Variants in CGNL1 observed in about 807,000 individuals in gnomAD.
CGNL1 encodes the protein cingulin-like protein 1.
A neutral mutation model predicts 141.2 loss-of-function variants in CGNL1; 132 were observed. The observed-to-expected ratio is 0.93, with a 90% CI of 0.81 to 1.08. CGNL1 has a LOEUF of 1.08. Among genes scored for constraint, CGNL1 ranks in the 50% least tolerant of loss-of-function variants. The pLI is 0.00. For synonymous variants in CGNL1, 690 were observed against 622.1 expected (o/e 1.11, Z -1.63); for missense variants, 1,870 against 1,588.6 (o/e 1.18, Z -3.01).
Position 57,523,470 on chromosome 15 carries a change from C to T in CGNL1, c.2716-19C>T, listed in dbSNP as rs781673124. ...CTGGTTAGTAGGTGACAGCACTGTC[C>T]TTTCCCTGCCATTTGCAGGGAAATC... On this transcript the variant is annotated intron_variant, in intron 10 of 18. Coordinates refer to ENST00000281282, the MANE Select transcript of CGNL1 (RefSeq NM_032866.5). The T allele has an allele frequency of 1.2e-6, 2 of 1,613,564 alleles. No homozygotes were observed. Among genetic ancestry groups the T allele is most frequent in the Non-Finnish European group, 1.7e-6 (2 of 1,179,758 alleles).
At chr15:57,428,062 A>G (rs999146506) in intron 1 of CGNL1, among the ~76,000 whole-genome samples, 5 of 152,042 alleles carry the variant, frequency 3.3e-5, no homozygotes, top group Non-Finnish European at 7.3e-5. Context: ...TCATTCATTT[A>G]TGTGTGAAAC....
chr15:57,387,829 C>T (rs2062500485), intron 1 of CGNL1, among the ~76,000 whole-genome samples: 2 of 152,206 alleles, frequency 1.3e-5, no homozygotes, highest in Non-Finnish European at 2.9e-5. Flanking sequence ...TAATAATATC[C>T]TTTGCTTTAG....
intron 1 of CGNL1, among the ~76,000 whole-genome samples, chr15:57,399,956 T>C (rs1398735323): frequency 6.6e-6 from 1 of 152,060 alleles, no homozygotes; most frequent in Non-Finnish European, 1.5e-5. Flanking sequence ...GTCTCCTTGT[T>C]CCTACCCTAA....
chr15:57,508,155 C>T (rs1025782676), intron 8 of CGNL1, among the ~76,000 whole-genome samples: 3 of 152,078 alleles, frequency 2.0e-5, no homozygotes, highest in Admixed American at 6.5e-5. Context: ...ATTTCCATCT[C>T]TCCCATGCAC....
chr15:57,545,773 G>T, intron 17 of CGNL1, 73 bp downstream of exon 17: 25 of 1,251,548 alleles, frequency 2.0e-5, no homozygotes, highest in Non-Finnish European at 2.4e-5. Flanking sequence ...AGGGAGGCAA[G>T]GCCTCCCTGA....
intron 1 of CGNL1, among the ~76,000 whole-genome samples, chr15:57,398,610 C>T (rs553697106): frequency 4.6e-5 from 7 of 152,216 alleles, no homozygotes; most frequent in East Asian, 1.9e-4. Context: ...CTCATGGCAG[C>T]GTGTTGTTTG....
At chr15:57,420,813 A>C (rs1262108611) in intron 1 of CGNL1, among the ~76,000 whole-genome samples, 1 of 152,232 alleles carries the variant, frequency 6.6e-6, no homozygotes, top group Non-Finnish European at 1.5e-5. Flanking sequence ...GCCATTAGGG[A>C]ACTAAGTTAG....
At chr15:57,473,215 T>C (rs1426938712) in intron 8 of CGNL1, among the ~76,000 whole-genome samples, 2 of 152,216 alleles carry the variant, frequency 1.3e-5, no homozygotes, top group Non-Finnish European at 2.9e-5. Context: ...AAAAGCTTTA[T>C]TATTGGAAAT....
rs899318059 is a variant in CGNL1 at position 57,488,333 on chromosome 15, C to G, written c.2403+26441C>G. On this transcript the variant is annotated intron_variant, in intron 8 of 18. Coordinates refer to ENST00000281282, the MANE Select transcript of CGNL1 (RefSeq NM_032866.5). Reference sequence around the variant, plus strand: ...ACATATTTAATTTGCAAAATTTTCTCCCCTTCTTCAGATTGTCTTTTCACT... The same window carrying G: ...ACATATTTAATTTGCAAAATTTTCTGCCCTTCTTCAGATTGTCTTTTCACT... Among the ~76,000 whole-genome samples, 10 of 152,240 alleles carry G rather than the reference C, an allele frequency of 6.6e-5. 1 individual carries two copies. The South Asian group carries it at 2.1e-3, about 32-fold the overall frequency.
chr15:57,454,238 C>G (rs1199764313), intron 7 of CGNL1, among the ~76,000 whole-genome samples: 3 of 152,126 alleles, frequency 2.0e-5, no homozygotes, highest in African/African-American at 7.2e-5. Context: ...AGTTTTGGAA[C>G]CTACTTCTTT....
intron 1 of CGNL1, among the ~76,000 whole-genome samples, chr15:57,428,646 C>T (rs1181625497): frequency 1.3e-5 from 2 of 152,014 alleles, no homozygotes; most frequent in African/African-American, 4.8e-5. Flanking sequence ...GTAGGTGAGC[C>T]TCGAAGAAAG....
intron 14 of CGNL1, among the ~76,000 whole-genome samples, chr15:57,534,818 G>C (rs184045730): frequency 2.0e-5 from 3 of 152,292 alleles, no homozygotes; most frequent in Admixed American, 6.5e-5. Context: ...ACTAGGCACT[G>C]AAAAGAGAAT....
chr15:57,452,115 T>C, intron 5 of CGNL1, 26 bp from the exon 6 acceptor site: 1 of 1,605,912 alleles, frequency 6.2e-7, no homozygotes, highest in Non-Finnish European at 8.5e-7. Context: ...GTGGAGGCTC[T>C]TTAAAATCAC....
chr15:57,378,126 G>C (rs1160616127), intron 1 of CGNL1, among the ~76,000 whole-genome samples: 1 of 152,190 alleles, frequency 6.6e-6, no homozygotes, highest in Non-Finnish European at 1.5e-5. Flanking sequence ...AAAAATGATA[G>C]AGAAGTAGGA....
rs1205634617 is a variant in CGNL1 at position 57,543,795 on chromosome 15, C to T, written c.3375+16C>T. On this transcript the variant is annotated intron_variant, in intron 15 of 18. Transcript: ENST00000281282. Reference sequence around the variant, plus strand: ...GGAGAGGCAGGTGAGGGCAGCCAGCCTGTGAGCTGCCCCCCCGTCCATCCG... The same window carrying T: ...GGAGAGGCAGGTGAGGGCAGCCAGCTTGTGAGCTGCCCCCCCGTCCATCCG... 3 of 1,596,320 alleles carry T rather than the reference C, an allele frequency of 1.9e-6. No individual in the cohort carries two copies. The highest frequency in any genetic ancestry group is 2.6e-6 in the Non-Finnish European group (3 of 1,164,050).
chr15:57,449,319 C>G (rs2063294210), intron 4 of CGNL1, among the ~76,000 whole-genome samples: 1 of 152,222 alleles, frequency 6.6e-6, no homozygotes, highest in African/African-American at 2.4e-5. Context: ...ATCCCTGTTG[C>G]TTACTATCTC....
In CGNL1 at chr15:57,523,655, G is replaced by A. The variant is rs568493345; in HGVS notation, c.2868+14G>A. The stretch of plus-strand genomic sequence containing the variant: ...CTGCAGAAGGAGGTGAGGGGCTGGA[G>A]GAGGAAAGAGGAAGTAGGGCCAGAT... On this transcript the variant is annotated intron_variant, in intron 11 of 18. Coordinates refer to ENST00000281282, the MANE Select transcript of CGNL1 (RefSeq NM_032866.5). The A allele has an allele frequency of 6.2e-7, 1 of 1,613,306 alleles. No individual in the cohort carries two copies. Among genetic ancestry groups the A allele is most frequent in the African/African-American group, 1.3e-5 (1 of 74,904 alleles).
chr15:57,427,394 T>C (rs867904541), intron 1 of CGNL1, among the ~76,000 whole-genome samples: 35 of 152,112 alleles, frequency 2.3e-4, no homozygotes, highest in African/African-American at 8.0e-4. Flanking sequence ...TATAGCACAG[T>C]CTCTCTGGGA....
chr15:57,412,844 A>G (rs1464736414), intron 1 of CGNL1, among the ~76,000 whole-genome samples: 1 of 152,028 alleles, frequency 6.6e-6, no homozygotes, highest in Non-Finnish European at 1.5e-5. Flanking sequence ...ACCCAGTGCC[A>G]TCTCTTAGTA....
Sources: gnomAD v4.1 joint callset for allele counts (sites outside exome capture counted in the v4.1 genomes callset) on GRCh38, gnomAD v4.1.1 for gene constraint, MANE v1.5 for transcripts, NCBI Gene and HGNC (gene_info 2026-07-23, HGNC 2026-07-21) for gene names.